The following SGCD variants were observed in gnomAD, a reference collection of about 807,000 sequenced individuals.
The protein encoded by SGCD is delta-sarcoglycan.
SGCD carries 18 observed loss-of-function variants against 36.6 expected under a neutral mutation model. The ratio of observed to expected loss-of-function variants is 0.49; its 90% CI spans 0.34 to 0.73. The LOEUF (loss-of-function observed/expected upper bound fraction) is 0.73. Ranked by LOEUF, SGCD falls within the 30% of genes least tolerant of loss-of-function variation. The pLI is 0.01. For synonymous variants in SGCD, 133 were observed against 130.6 expected (o/e 1.02, Z -0.12); for missense variants, 387 against 346.7 (o/e 1.12, Z -0.92).
At chr5:156,513,872 G>A (rs1049180667) in intron 4 of SGCD, among the ~76,000 whole-genome samples, 1 of 152,172 alleles carries the variant, frequency 6.6e-6, no homozygotes, top group African/African-American at 2.4e-5. Context: ...GCTTCTAAGT[G>A]GTAAAGTATC....
At chr5:156,178,341 T>C (rs1763521023) in intron 3 of SGCD, among the ~76,000 whole-genome samples, 2 of 152,186 alleles carry the variant, frequency 1.3e-5, no homozygotes, top group South Asian at 2.1e-4. Context: ...GAGAGATTTC[T>C]AAGAAAACAG....
chr5:156,150,341 A>G (rs1762804645), intron 3 of SGCD, among the ~76,000 whole-genome samples: 1 of 151,572 alleles, frequency 6.6e-6, no homozygotes, highest in African/African-American at 2.4e-5. Flanking sequence ...TTATGTTTTA[A>G]CAGACCTTCA....
the SGCD span, among the ~76,000 whole-genome samples, chr5:155,770,958 C>T: frequency 3.0e-4 from 46 of 152,186 alleles, no homozygotes; most frequent in Admixed American, 1.9e-3. Context: ...TTTGAACCTT[C>T]GTTTAAATCC....
chr5:156,306,904 G>A (rs910715247), intron 3 of SGCD, among the ~76,000 whole-genome samples: 2 of 151,846 alleles, frequency 1.3e-5, no homozygotes, highest in Non-Finnish European at 2.9e-5. Context: ...TCATTTTCTT[G>A]CTGTATTGAA....
intron 3 of SGCD, among the ~76,000 whole-genome samples, chr5:156,500,010 C>T (rs959428198): frequency 1.3e-5 from 2 of 152,018 alleles, no homozygotes; most frequent in East Asian, 1.9e-4. Context: ...CATGAAATGT[C>T]GATATTAAAG....
At chr5:156,329,000 A>C (rs1453863456) in intron 1 of SGCD, among the ~76,000 whole-genome samples, 2 of 152,222 alleles carry the variant, frequency 1.3e-5, no homozygotes, top group African/African-American at 2.4e-5. Flanking sequence ...AGCATTGAGC[A>C]GAAGAGGCGT....
intron 1 of SGCD, among the ~76,000 whole-genome samples, chr5:156,083,174 A>G (rs1474611314): frequency 6.6e-6 from 1 of 151,520 alleles, no homozygotes; most frequent in Non-Finnish European, 1.5e-5. Flanking sequence ...TACTAGTTTC[A>G]TTGGATTGTT....
Position 156,030,326 on chromosome 5 carries a change from G to A in SGCD, c.-281-87552G>A, listed in dbSNP as rs531159390. On this transcript the variant is annotated intron_variant, in intron 1 of 9. Transcript: ENST00000517913. ...GTTAAGGCGAGGTCATATTGGGTAAGAGTGAGTCCTAATCCAATAATGGCT... is the reference window on the plus strand; with the variant it reads ...GTTAAGGCGAGGTCATATTGGGTAAAAGTGAGTCCTAATCCAATAATGGCT... Among the ~76,000 whole-genome samples the A allele has an allele frequency of 3.3e-5, 5 of 152,278 alleles. No individual in the cohort carries two copies. The South Asian group carries it at 1.0e-3, about 32-fold the overall frequency.
the SGCD span, among the ~76,000 whole-genome samples, chr5:155,801,960 C>T: frequency 1.3e-5 from 2 of 152,180 alleles, no homozygotes; most frequent in East Asian, 3.9e-4. Context: ...CTCTTCCTTT[C>T]CCCACCATCT....
At chr5:156,301,169 C>T (rs925280426) in intron 3 of SGCD, among the ~76,000 whole-genome samples, 12 of 151,890 alleles carry the variant, frequency 7.9e-5, no homozygotes, top group African/African-American at 2.9e-4. Context: ...TCTCTTACTT[C>T]CTTCTTTCTT....
At chr5:156,331,950 T>C (rs2127704297) in intron 2 of SGCD, among the ~76,000 whole-genome samples, 1 of 152,358 alleles carries the variant, frequency 6.6e-6, no homozygotes, top group Non-Finnish European at 1.5e-5. Flanking sequence ...ATAATCTTTC[T>C]AGCCCTTTCG....
chr5:156,000,627 T>TC (rs1346293504), intron 1 of SGCD, among the ~76,000 whole-genome samples: 1 of 151,738 alleles, frequency 6.6e-6, no homozygotes, highest in African/African-American at 2.4e-5. Context: ...CCTTTCCTCT[T>TC]CCCTATCTAC....
At chr5:156,344,434 T>C in intron 2 of SGCD, 55 bp from the exon 3 acceptor site, 2 of 1,237,914 alleles carry the variant, frequency 1.6e-6, no homozygotes, top group Non-Finnish European at 2.2e-6. Context: ...TTATTTTTTT[T>C]CTCTTCTCTC....
At chr5:156,202,753 C>CTTTTTTTTTTTTTT in intron 3 of SGCD, among the ~76,000 whole-genome samples, 1 of 112,288 alleles carries the variant, frequency 8.9e-6, no homozygotes, top group Non-Finnish European at 1.8e-5. Flanking sequence ...GCAGAGGTTC[C>CTTTTTTTTTTTTTT]TTTTTTTTTT....
intron 3 of SGCD, among the ~76,000 whole-genome samples, chr5:156,368,422 T>A (rs1561649364): frequency 1.3e-5 from 2 of 152,330 alleles, no homozygotes; most frequent in South Asian, 4.1e-4. Flanking sequence ...ATAATTGTGG[T>A]TATTATTTTC....
chr5:156,699,752 T>A (rs575453093), intron 7 of SGCD, among the ~76,000 whole-genome samples: 14 of 151,106 alleles, frequency 9.3e-5, no homozygotes, highest in African/African-American at 3.4e-4. Flanking sequence ...TTGTACTTCC[T>A]GAAAGGTGAG....
intron 3 of SGCD, among the ~76,000 whole-genome samples, chr5:156,145,972 G>T: frequency 6.6e-6 from 1 of 152,174 alleles, no homozygotes; most frequent in East Asian, 1.9e-4. Context: ...CCAGCACTTT[G>T]GGAGGCCAAG....
chr5:155,934,302 C>T (rs531720839), intron 1 of SGCD, among the ~76,000 whole-genome samples: 3 of 152,294 alleles, frequency 2.0e-5, no homozygotes, highest in Admixed American at 6.5e-5. Flanking sequence ...AGCAGCAAGC[C>T]GTGAAAATGG....
the SGCD span, among the ~76,000 whole-genome samples, chr5:155,740,529 G>T: frequency 6.6e-6 from 1 of 152,004 alleles, no homozygotes; most frequent in African/African-American, 2.4e-5. Context: ...TTTAAAAGAG[G>T]GCAGTCAGGA....
Sources: gnomAD v4.1 joint callset for allele counts (sites outside exome capture counted in the v4.1 genomes callset) on GRCh38, gnomAD v4.1.1 for gene constraint, MANE v1.5 for transcripts, NCBI Gene and HGNC (gene_info 2026-07-23, HGNC 2026-07-21) for gene names.